ST6GAL1: variants seen among roughly 807,000 people sequenced by gnomAD.
The protein encoded by ST6GAL1 is beta-galactoside alpha-2,6-sialyltransferase 1.
ST6GAL1 carries 20 observed loss-of-function variants against 38.0 expected under a neutral mutation model. The ratio of observed to expected loss-of-function variants is 0.53; its 90% CI spans 0.37 to 0.77. The LOEUF is 0.77. ST6GAL1 is among the 30% of genes least tolerant of loss of function. ST6GAL1 has a pLI of 0.00. For missense variants in ST6GAL1, 432 were observed against 496.4 expected, an observed-to-expected ratio of 0.87 and a Z score of 1.23; for synonymous variants, 196 against 188.2, an observed-to-expected ratio of 1.04 and a Z score of -0.34.
At chr3:187,024,052 A>G (rs959819640) in intron 2 of ST6GAL1, among the ~76,000 whole-genome samples, 7 of 151,616 alleles carry the variant, frequency 4.6e-5, no homozygotes, top group Non-Finnish European at 8.8e-5. Context: ...GGGTATATAT[A>G]TACATATATA....
intron 2 of ST6GAL1, among the ~76,000 whole-genome samples, chr3:186,998,619 A>T (rs1482061498): frequency 6.6e-6 from 1 of 152,158 alleles, no homozygotes; most frequent in Non-Finnish European, 1.5e-5. Context: ...TTTTATTGAA[A>T]AAATCTGCAT....
intron 2 of ST6GAL1, among the ~76,000 whole-genome samples, chr3:187,005,561 C>T (rs1336303035): frequency 6.6e-6 from 1 of 152,072 alleles, no homozygotes; most frequent in African/African-American, 2.4e-5. Context: ...AGGCATGAGC[C>T]ACGGCGCCCG....
chr3:186,932,445 C>T (rs1713792008), intron 1 of ST6GAL1, among the ~76,000 whole-genome samples: 1 of 152,192 alleles, frequency 6.6e-6, no homozygotes, highest in Admixed American at 6.5e-5. Context: ...AAAGCTGCAC[C>T]CTTCCATTAT....
rs553511546 is a variant in ST6GAL1, at chr3:186,958,613, C to G, written c.-324-5172C>G. On this transcript the variant is annotated intron_variant, in intron 1 of 7. Transcript: ENST00000169298. ...GTTTCTCCTTACAGCCTTGCAGTAC[C>G]ACTGGACCTTAAAAATCATTGGTGT... 2.6e-5 allele frequency among the ~76,000 whole-genome samples: 4 copies of G among 152,208 alleles called. No homozygotes were observed. The South Asian group carries it at 8.3e-4, about 32-fold the overall frequency.
intron 1 of ST6GAL1, among the ~76,000 whole-genome samples, chr3:186,945,304 T>A (rs1173001229): frequency 1.4e-5 from 2 of 146,912 alleles, no homozygotes; most frequent in African/African-American, 5.2e-5. Context: ...AGACCCTGTC[T>A]CTATTTAAAA....
chr3:187,069,310 T>C (rs894850654), intron 5 of ST6GAL1, among the ~76,000 whole-genome samples: 1 of 152,190 alleles, frequency 6.6e-6, no homozygotes, highest in Non-Finnish European at 1.5e-5. Context: ...AATTTTTGTA[T>C]TTTTGGTAGA....
chr3:187,005,006 T>TA (rs1716734420), intron 2 of ST6GAL1, among the ~76,000 whole-genome samples: 1 of 152,142 alleles, frequency 6.6e-6, no homozygotes, highest in Non-Finnish European at 1.5e-5. Flanking sequence ...TTCTAAGTCT[T>TA]ACAAACGTTT....
rs1719514064 is a variant in ST6GAL1, at chr3:187,075,032, C to T, written c.980-530C>T. ...CTCATCATTCAGACTGTGGAGTGCT[C>T]CTGTTCCAGCTGTCCCTTTGCCCAG... On this transcript the variant is annotated intron_variant, in intron 7 of 7. Transcript: ENST00000169298. The surrounding 1 kb of genome is among the most constrained non-coding windows in gnomAD (Gnocchi z 4.1). Among the ~76,000 whole-genome samples, 1 of 152,074 alleles carries T rather than the reference C, an allele frequency of 6.6e-6. No homozygotes were observed. Among genetic ancestry groups the T allele is most frequent in the Non-Finnish European group, 1.5e-5 (1 of 68,016 alleles).
intron 5 of ST6GAL1, among the ~76,000 whole-genome samples, chr3:187,065,150 C>G (rs1050800184): frequency 2.0e-5 from 3 of 152,100 alleles, no homozygotes; most frequent in African/African-American, 4.8e-5. Context: ...AGGCATGCAC[C>G]ACCATGCCCA....
intron 2 of ST6GAL1, among the ~76,000 whole-genome samples, chr3:187,015,233 G>A (rs966250083): frequency 2.0e-5 from 3 of 152,158 alleles, no homozygotes; most frequent in African/African-American, 4.8e-5. Flanking sequence ...CTTACTGCAC[G>A]CACTTCATAA....
chr3:187,024,489 T>TAG (rs1227961109), intron 2 of ST6GAL1, among the ~76,000 whole-genome samples: 147 of 90,992 alleles, frequency 1.6e-3, no homozygotes, highest in Middle Eastern at 6.0e-3. Flanking sequence ...TATATATATA[T>TAG]ATATAGAGAG....
At chr3:187,022,671 A>T (rs747649834) in intron 2 of ST6GAL1, among the ~76,000 whole-genome samples, 5 of 152,166 alleles carry the variant, frequency 3.3e-5, no homozygotes, top group Non-Finnish European at 7.3e-5. Flanking sequence ...GATTCTCTGG[A>T]GATGCACGTT....
chr3:187,057,081 C>T (rs1718729911), intron 5 of ST6GAL1, among the ~76,000 whole-genome samples: 2 of 152,016 alleles, frequency 1.3e-5, no homozygotes, highest in Non-Finnish European at 1.5e-5. Context: ...CCCTTTCTTC[C>T]ACTTGATCGC....
chr3:187,008,416 T>C (rs1716852442), intron 2 of ST6GAL1, among the ~76,000 whole-genome samples: 1 of 152,040 alleles, frequency 6.6e-6, no homozygotes, highest in East Asian at 1.9e-4. Context: ...CGAATGACTG[T>C]CCATTTCTCA....
At chr3:186,935,114 C>T (rs571136819) in intron 1 of ST6GAL1, among the ~76,000 whole-genome samples, 2 of 152,092 alleles carry the variant, frequency 1.3e-5, no homozygotes, top group South Asian at 4.2e-4. Context: ...AGGTACTAAA[C>T]CTAGTACCCA....
chr3:186,941,097 G>T (rs940955655), intron 1 of ST6GAL1, among the ~76,000 whole-genome samples: 1 of 152,136 alleles, frequency 6.6e-6, no homozygotes, highest in Non-Finnish European at 1.5e-5. Context: ...GAGATAGCCT[G>T]CCTGGTTTGG....
At chr3:187,045,384 C>G (rs575781358) in intron 4 of ST6GAL1, among the ~76,000 whole-genome samples, 5 of 151,954 alleles carry the variant, frequency 3.3e-5, no homozygotes, top group African/African-American at 1.2e-4. Context: ...CAATGGTGGG[C>G]TCAGTCATTT....
chr3:187,046,809 TGTCTGTC>T, intron 4 of ST6GAL1, among the ~76,000 whole-genome samples: 1 of 152,278 alleles, frequency 6.6e-6, no homozygotes, highest in East Asian at 1.9e-4. Context: ...AGGGCCATGA[TGTCTGTC>T]ACAACTACTC....
chr3:187,074,714 G>A (rs1021198435), intron 7 of ST6GAL1, among the ~76,000 whole-genome samples: 5 of 152,004 alleles, frequency 3.3e-5, no homozygotes, highest in African/African-American at 9.7e-5. Context: ...ATGGAGGGAA[G>A]GGAAGCTATG....
Sources: allele counts gnomAD v4.1 joint callset (sites outside exome capture counted in the v4.1 genomes callset), GRCh38; gene constraint gnomAD v4.1.1; non-coding constraint Gnocchi (gnomAD v3.1); transcripts MANE v1.5; gene names NCBI Gene and HGNC (gene_info 2026-07-23, HGNC 2026-07-21).